The following KCNN3 variants were observed in gnomAD, a reference collection of about 807,000 sequenced individuals.
KCNN3 encodes potassium calcium-activated channel subfamily N member 3, also known as small conductance calcium-activated potassium channel protein 3.
KCNN3 carries 16 observed loss-of-function variants against 62.9 expected under a neutral mutation model. The observed-to-expected ratio is 0.25, with a 90% CI of 0.17 to 0.39. The LOEUF (loss-of-function observed/expected upper bound fraction) is 0.39. Among genes scored for constraint, KCNN3 ranks in the 10% least tolerant of loss-of-function variants. The probability of loss-of-function intolerance (pLI) is 1.00; values close to 1 mark genes in which losing one functional copy is unlikely to be tolerated. For missense variants in KCNN3, 599 were observed against 949.4 expected (o/e 0.63, Z 4.85); for synonymous variants, 370 against 389.2 (o/e 0.95, Z 0.58).
intron 2 of KCNN3, among the ~76,000 whole-genome samples, chr1:154,785,910 C>A (rs1454222409): frequency 6.6e-6 from 1 of 152,142 alleles, no homozygotes; most frequent in East Asian, 1.9e-4. Flanking sequence ...CTCCTAAGCA[C>A]TTTTCTTTAC....
In KCNN3 at chr1:154,771,887, C is replaced by G. The variant is rs750379103; in HGVS notation, c.1448+88G>C. On this transcript the variant is annotated intron_variant, in intron 3 of 7. Coordinates refer to ENST00000271915, the MANE Select transcript of KCNN3 (RefSeq NM_002249.6). Reference sequence around the variant, plus strand: ...CTGGGTACATGCCTGTCTCCTCCATCAGACCACATACTTCCTGGCACCCCT... The same window carrying G: ...CTGGGTACATGCCTGTCTCCTCCATGAGACCACATACTTCCTGGCACCCCT... 1.2e-5 allele frequency: 16 copies of G among 1,333,752 alleles called. No individual in the cohort carries two copies. The African/African-American group carries it at 2.2e-4, about 18-fold the overall frequency. 82.6% of individuals were successfully genotyped at this position (1,333,752 alleles called of 1,614,324 possible).
At chr1:154,730,132 C>G (rs910767345) in intron 4 of KCNN3, among the ~76,000 whole-genome samples, 14 of 152,228 alleles carry the variant, frequency 9.2e-5, no homozygotes, top group African/African-American at 3.4e-4. Context: ...TGACAGCTTT[C>G]TCTCTACTGT....
intron 2 of KCNN3, among the ~76,000 whole-genome samples, chr1:154,794,675 C>G (rs994167393): frequency 6.6e-6 from 1 of 152,078 alleles, no homozygotes; most frequent in African/African-American, 2.4e-5. Context: ...CAACCATGGA[C>G]CAAAGGTGGA....
chr1:154,720,429 G>C (rs1700322805), intron 5 of KCNN3, among the ~76,000 whole-genome samples: 1 of 152,202 alleles, frequency 6.6e-6, no homozygotes, highest in Non-Finnish European at 1.5e-5. Flanking sequence ...TTGAAGACTT[G>C]TTCTGGAAAT....
chr1:154,763,378 T>C (rs1344764912), intron 3 of KCNN3, among the ~76,000 whole-genome samples: 1 of 152,200 alleles, frequency 6.6e-6, no homozygotes, highest in Non-Finnish European at 1.5e-5. Context: ...TTTCTGTTTT[T>C]GTTATTAAAA....
intron 2 of KCNN3, among the ~76,000 whole-genome samples, chr1:154,785,588 T>C (rs1174320432): frequency 6.9e-6 from 1 of 145,034 alleles, no homozygotes; most frequent in East Asian, 2.0e-4. Flanking sequence ...TTTTTTTTTT[T>C]TTTTTTTTTT....
chr1:154,795,061 G>A (rs1372858515), intron 2 of KCNN3, among the ~76,000 whole-genome samples: 1 of 152,158 alleles, frequency 6.6e-6, no homozygotes, highest in African/African-American at 2.4e-5. Flanking sequence ...ACTGAGACAG[G>A]CATAAATTTA....
intron 2 of KCNN3, among the ~76,000 whole-genome samples, chr1:154,807,493 A>G (rs1571296338): frequency 6.6e-6 from 1 of 152,194 alleles, no homozygotes; most frequent in Admixed American, 6.5e-5. Context: ...CCCTGGGGAT[A>G]GAAGCCTGCT....
At chr1:154,770,126 T>C (rs566153527) in intron 3 of KCNN3, among the ~76,000 whole-genome samples, 1 of 152,300 alleles carries the variant, frequency 6.6e-6, no homozygotes, top group Admixed American at 6.5e-5. Context: ...CCCTGTGCAG[T>C]GTGGTCCCAC....
At chr1:154,868,993 C>T in intron 1 of KCNN3, 39 bp downstream of exon 1, 1 of 1,563,288 alleles carries the variant, frequency 6.4e-7, no homozygotes, top group Non-Finnish European at 8.8e-7. Flanking sequence ...CCTACATATT[C>T]CTTTTGTTCA....
At chr1:154,728,766 G>A (rs981620187) in intron 4 of KCNN3, among the ~76,000 whole-genome samples, 4 of 152,108 alleles carry the variant, frequency 2.6e-5, no homozygotes, top group African/African-American at 9.7e-5. Context: ...CAAGGGTCAA[G>A]GGGGGAAAGA....
chr1:154,736,654 C>T (rs544414047), intron 3 of KCNN3, among the ~76,000 whole-genome samples: 2 of 152,254 alleles, frequency 1.3e-5, no homozygotes, highest in East Asian at 3.9e-4. Context: ...TTCTTGTGCA[C>T]GTGGGTCTCC....
chr1:154,781,125 C>A (rs909962273), intron 2 of KCNN3, among the ~76,000 whole-genome samples: 8 of 152,214 alleles, frequency 5.3e-5, no homozygotes, highest in Non-Finnish European at 1.2e-4. Context: ...GTAATGACCA[C>A]TCATGGGGGT....
At chr1:154,722,419 G>A (rs1377726443) in intron 5 of KCNN3, among the ~76,000 whole-genome samples, 7 of 135,154 alleles carry the variant, frequency 5.2e-5, no homozygotes, top group African/African-American at 1.1e-4. Context: ...ATGGAGTCTC[G>A]CTCAGTTGCC....
Position 154,772,464 on chromosome 1 carries a change from GTGGGGCAGGC to G in KCNN3, c.1030-81_1030-72del, listed in dbSNP as rs1156648920. The stretch of plus-strand genomic sequence containing the variant: ...CCACAGCAGGGTCCAGGCAGGACAG[GTGGGGCAGGC>G]TGGGGCAGGCTGCTGGGCTCAGGTC... On this transcript the variant is annotated intron_variant, in intron 2 of 7. Coordinates refer to ENST00000271915, the MANE Select transcript of KCNN3 (RefSeq NM_002249.6). This position sits in a 1 kb window ranked among gnomAD's most constrained non-coding sequence, Gnocchi z 5.6. 16 of 1,514,056 alleles carry G rather than the reference GTGGGGCAGGC, an allele frequency of 1.1e-5. No individual in the cohort carries two copies. Among genetic ancestry groups the G allele is most frequent in the African/African-American group, 5.5e-5 (4 of 73,110 alleles). The allele number at this position is 1,514,056 out of a possible 1,614,324, so 93.8% of individuals were successfully genotyped here. A position where few individuals can be genotyped will look rare whatever the true frequency, so the allele number is the denominator to read the frequency against.
chr1:154,828,008 G>A (rs1289717392), intron 1 of KCNN3, among the ~76,000 whole-genome samples: 1 of 152,098 alleles, frequency 6.6e-6, no homozygotes, highest in Non-Finnish European at 1.5e-5. Context: ...GGGAGAGACA[G>A]CCGATGCTGT....
At chr1:154,725,374 T>A (rs1188726320) in intron 5 of KCNN3, among the ~76,000 whole-genome samples, 1 of 152,132 alleles carries the variant, frequency 6.6e-6, no homozygotes, top group Non-Finnish European at 1.5e-5. Context: ...TTAATTAAAT[T>A]ACCAGGAAAA....
At chr1:154,814,407 C>T (rs185799532) in intron 2 of KCNN3, among the ~76,000 whole-genome samples, 1 of 152,286 alleles carries the variant, frequency 6.6e-6, no homozygotes, top group African/African-American at 2.4e-5. Context: ...AAGGGAGTTG[C>T]AGGCAAGAAA....
intron 3 of KCNN3, among the ~76,000 whole-genome samples, chr1:154,746,692 C>A (rs1449091867): frequency 6.6e-6 from 1 of 152,182 alleles, no homozygotes; most frequent in Non-Finnish European, 1.5e-5. Flanking sequence ...CCACCCTCCC[C>A]TGTGAGGACC....
Sources: allele counts gnomAD v4.1 joint callset (sites outside exome capture counted in the v4.1 genomes callset), GRCh38; gene constraint gnomAD v4.1.1; non-coding constraint Gnocchi (gnomAD v3.1); transcripts MANE v1.5; gene names NCBI Gene and HGNC (gene_info 2026-07-23, HGNC 2026-07-21).